Variants in ADSS2 observed in about 807,000 individuals in gnomAD.
ADSS2 encodes the protein adenylosuccinate synthetase isozyme 2.
A neutral mutation model predicts 60.0 loss-of-function variants in ADSS2; 30 were observed. That is an observed-to-expected ratio of 0.50 (90% CI 0.37 to 0.68). The LOEUF (loss-of-function observed/expected upper bound fraction) is 0.68, where lower values mean the gene tolerates loss of function less well. Ranked by LOEUF, ADSS2 falls within the 30% of genes least tolerant of loss-of-function variation. ADSS2 has a pLI of 0.00. For synonymous variants in ADSS2, 187 were observed against 193.1 expected, an observed-to-expected ratio of 0.97 and a Z score of 0.26; for missense variants, 373 against 554.8, an observed-to-expected ratio of 0.67 and a Z score of 3.29.
chr1:244,422,215 A>T (rs188881259), intron 7 of ADSS2, among the ~76,000 whole-genome samples: 1 of 152,230 alleles, frequency 6.6e-6, no homozygotes, highest in Non-Finnish European at 1.5e-5. Context: ...ACTTATCTAT[A>T]GATGAGAAGA....
At chr1:244,420,023 T>C in intron 8 of ADSS2, 147 bp downstream of exon 8, 1 of 727,492 alleles carries the variant, frequency 1.4e-6, no homozygotes, top group Non-Finnish European at 2.1e-6. Context: ...TTAAAAAGAG[T>C]GCCACAAGAT....
intron 7 of ADSS2, among the ~76,000 whole-genome samples, chr1:244,422,378 C>T (rs1278796554): frequency 6.6e-6 from 1 of 152,202 alleles, no homozygotes; most frequent in African/African-American, 2.4e-5. Context: ...TGGTCAATTA[C>T]CTTATTTGTC....
At position 244,411,355 on chromosome 1, in the gene ADSS2, G is replaced by A. The variant is rs150012791; in HGVS notation, c.1250C>T (p.Ala417Val). ...GWNTDISNAR[A>V]FKELPVNAQN... ...TGCATTAACAGGTAGTTCTTTAAACGCCCTTGCATTTGATATGTCTGTGTT... is the reference window on the plus strand; with the variant it reads ...TGCATTAACAGGTAGTTCTTTAAACACCCTTGCATTTGATATGTCTGTGTT... The change falls in exon 12 of 13, where the codon GCG (alanine) becomes GTG (valine). Residue 417 changes from alanine (A) to valine (V), a missense_variant. Transcript: ENST00000366535. 92 of 1,613,628 alleles carry A rather than the reference G, an allele frequency of 5.7e-5. No homozygotes were observed. In the African/African-American group the frequency reaches 9.1e-4, roughly 16 times the overall value.
chr1:244,418,701 G>A (rs750950834), intron 9 of ADSS2, 59 bp downstream of exon 9: 50 of 1,456,308 alleles, frequency 3.4e-5, no homozygotes, highest in Non-Finnish European at 4.5e-5. Flanking sequence ...AATTCATTAA[G>A]AAAAAAAAGA....
chr1:244,435,261 TAACTA>T (rs889578368), intron 3 of ADSS2, among the ~76,000 whole-genome samples: 12 of 143,728 alleles, frequency 8.3e-5, no homozygotes, highest in African/African-American at 3.1e-4. Flanking sequence ...AAGGGGAAAC[TAACTA>T]TACTAATGAT....
chr1:244,418,766 T>C lies in ADSS2; in HGVS notation c.939A>G (p.Gln313=). 3 of 1,605,364 alleles carry C rather than the reference T, an allele frequency of 1.9e-6. No homozygotes were observed. The highest frequency in any genetic ancestry group is 2.5e-6 in the Non-Finnish European group (3 of 1,177,622). Residue 313 remains glutamine, a synonymous_variant, in exon 9 of 13, where the codon CAA becomes CAG. Transcript: ENST00000366535. The part of the protein sequence containing the change: ...RVGIGAFPTE[Q]DNEIGELLQT... ...TTACTTAGAATAGGCTTACATTGTCTTGCTCTGTAGGAAAGGCACCAATAC... is the reference window on the plus strand; with the variant it reads ...TTACTTAGAATAGGCTTACATTGTCCTGCTCTGTAGGAAAGGCACCAATAC...
At chr1:244,438,329 G>A (rs570877625) in intron 1 of ADSS2, among the ~76,000 whole-genome samples, 1 of 152,266 alleles carries the variant, frequency 6.6e-6, no homozygotes. Flanking sequence ...AGTCTTGTAG[G>A]TTTGGTTAGT....
intron 4 of ADSS2, among the ~76,000 whole-genome samples, chr1:244,430,486 A>G (rs1424442120): frequency 6.6e-6 from 1 of 152,252 alleles, no homozygotes; most frequent in Non-Finnish European, 1.5e-5. Flanking sequence ...TTCAAACGGC[A>G]GGTGTTAGGG....
At chr1:244,414,092 T>C (rs1392447222) in intron 11 of ADSS2, among the ~76,000 whole-genome samples, 1 of 152,134 alleles carries the variant, frequency 6.6e-6, no homozygotes, top group African/African-American at 2.4e-5. Context: ...AGATGATCAG[T>C]GAATAATTCA....
Position 244,435,848 on chromosome 1 carries a change from G to A in ADSS2, c.355+977C>T, listed in dbSNP as rs142125062. On this transcript the variant is annotated intron_variant, in intron 3 of 12. Transcript: ENST00000366535. ...AGGGTAAGTAAGCAGTACAGCAGCA[G>A]CACCAGAGTATCTGTATCAGCTGGC... Among the ~76,000 whole-genome samples the A allele has an allele frequency of 3.3e-3, 509 of 152,348 alleles. 4 individuals carry two copies. Among genetic ancestry groups the A allele is most frequent in the African/African-American group, 0.012 (485 of 41,568 alleles).
intron 3 of ADSS2, among the ~76,000 whole-genome samples, chr1:244,435,658 ATCC>A (rs1396312528): frequency 6.9e-6 from 1 of 145,632 alleles, no homozygotes; most frequent in African/African-American, 2.6e-5. Context: ...TTCCTCCTCC[ATCC>A]TCCTCTTCCT....
At chr1:244,439,878 C>A (rs1393075417) in intron 1 of ADSS2, among the ~76,000 whole-genome samples, 2 of 152,226 alleles carry the variant, frequency 1.3e-5, no homozygotes, top group Non-Finnish European at 2.9e-5. Context: ...AACGCTCCTT[C>A]CGTGGGCACT....
At chr1:244,423,457 T>C (rs1664720617) in intron 6 of ADSS2, among the ~76,000 whole-genome samples, 1 of 152,216 alleles carries the variant, frequency 6.6e-6, no homozygotes, top group African/African-American at 2.4e-5. Flanking sequence ...TTTTGATGAC[T>C]ACTAGGTTTC....
chr1:244,424,349 G>A lies in ADSS2; in HGVS notation c.445C>T (p.Gln149Ter), dbSNP rs1243581634. ...TTTCCTGCTTGTTCTTGTCTCTGTT[G>A]TTCCTGGATACCATCAGCTGCTTGA... The part of the protein sequence containing the change: ...FHQAADGIQE[Q>*]QRQEQAGKNL... The change falls in exon 5 of 13, where the codon CAA becomes TAA. Residue 149 changes from glutamine (Q) to a stop codon, truncating the protein, a stop_gained. Transcript: ENST00000366535. LOFTEE classifies it high-confidence loss of function. 1.2e-6 allele frequency: 2 copies of A among 1,613,176 alleles called. No individual in the cohort carries two copies. The highest frequency in any genetic ancestry group is 1.3e-5 in the African/African-American group (1 of 74,844).
At chr1:244,437,905 T>C in intron 1 of ADSS2, 137 bp from the exon 2 acceptor site, 1 of 671,554 alleles carries the variant, frequency 1.5e-6, no homozygotes. Context: ...TCTACTCATT[T>C]GTAAAAGGCT....
At chr1:244,423,486 A>G (rs1358563702) in intron 6 of ADSS2, among the ~76,000 whole-genome samples, 1 of 152,230 alleles carries the variant, frequency 6.6e-6, no homozygotes, top group African/African-American at 2.4e-5. Flanking sequence ...ATCTGGCTAC[A>G]GAAAGCATGT....
At chr1:244,448,180 T>G (rs1665441825) in intron 1 of ADSS2, among the ~76,000 whole-genome samples, 1 of 152,212 alleles carries the variant, frequency 6.6e-6, no homozygotes, top group South Asian at 2.1e-4. Flanking sequence ...GGCAGATCAT[T>G]TTAGCTGTAC....
intron 3 of ADSS2, 34 bp downstream of exon 3, chr1:244,436,788 GAAC>G (rs1558277952): frequency 6.5e-7 from 1 of 1,541,092 alleles, no homozygotes; most frequent in African/African-American, 1.4e-5. Flanking sequence ...ACTTTACAAA[GAAC>G]AACTGGTTAC....
intron 1 of ADSS2, among the ~76,000 whole-genome samples, chr1:244,449,373 G>A (rs1419747092): frequency 6.6e-6 from 1 of 152,154 alleles, no homozygotes; most frequent in African/African-American, 2.4e-5. Context: ...AAATATGGCA[G>A]AATATATTAA....
Sources: gnomAD v4.1 joint callset for allele counts (sites outside exome capture counted in the v4.1 genomes callset) on GRCh38, gnomAD v4.1.1 for gene constraint, MANE v1.5 for transcripts, NCBI Gene and HGNC (gene_info 2026-07-23, HGNC 2026-07-21) for gene names.